SMYD3: variants seen among roughly 807,000 people sequenced by gnomAD.
SMYD3 encodes the protein histone-lysine N-methyltransferase SMYD3.
Under a neutral mutation model 57.7 loss-of-function variants are expected in SMYD3, and 36 were observed. The ratio of observed to expected loss-of-function variants is 0.62; its 90% CI spans 0.48 to 0.82. SMYD3 has a LOEUF of 0.82. SMYD3 is among the 40% of genes least tolerant of loss of function. The pLI, the probability that SMYD3 is intolerant of heterozygous loss-of-function variation, is 0.00. For missense variants in SMYD3, 515 were observed against 538.8 expected, an observed-to-expected ratio of 0.96 and a Z score of 0.44; for synonymous variants, 211 against 195.0, an observed-to-expected ratio of 1.08 and a Z score of -0.68.
chr1:246,503,045 T>A (rs10924755), intron 1 of SMYD3, among the ~76,000 whole-genome samples: 62,362 of 151,996 alleles, frequency 0.41, 14,403 homozygotes, highest in East Asian at 0.71. Context: ...AGATTCCACA[T>A]AAGGAGCAGA....
intron 8 of SMYD3, among the ~76,000 whole-genome samples, chr1:245,910,446 G>A (rs1342682889): frequency 2.6e-5 from 4 of 151,842 alleles, no homozygotes; most frequent in African/African-American, 7.3e-5. Flanking sequence ...AAGGCAATCC[G>A]GAAATTCATA....
intron 5 of SMYD3, among the ~76,000 whole-genome samples, chr1:246,067,295 A>G (rs1301505265): frequency 6.6e-6 from 1 of 152,154 alleles, no homozygotes; most frequent in Non-Finnish European, 1.5e-5. Context: ...GAATGGTTTT[A>G]TTTTGTTCTT....
At chr1:245,770,337 G>A (rs1299536928) in intron 10 of SMYD3, among the ~76,000 whole-genome samples, 4 of 152,148 alleles carry the variant, frequency 2.6e-5, no homozygotes, top group Non-Finnish European at 5.9e-5. Flanking sequence ...ACAGAAACTG[G>A]AATTCAGGGA....
intron 8 of SMYD3, among the ~76,000 whole-genome samples, chr1:245,876,403 A>G (rs759763179): frequency 6.6e-6 from 1 of 152,364 alleles, no homozygotes; most frequent in East Asian, 1.9e-4. Context: ...TCCAATGCAC[A>G]GTCTGGGCCA....
At chr1:245,898,935 G>T (rs922608375) in intron 8 of SMYD3, among the ~76,000 whole-genome samples, 25 of 152,184 alleles carry the variant, frequency 1.6e-4, no homozygotes, top group African/African-American at 6.0e-4. Context: ...CCCTCAGAAG[G>T]TAAGTTTTAT....
chr1:246,266,016 C>A (rs1463073875), intron 5 of SMYD3, among the ~76,000 whole-genome samples: 1 of 152,144 alleles, frequency 6.6e-6, no homozygotes, highest in African/African-American at 2.4e-5. Context: ...CAACTGAGTT[C>A]CTTCCTTAGA....
At chr1:245,812,018 A>G (rs2048497958) in intron 10 of SMYD3, among the ~76,000 whole-genome samples, 1 of 152,172 alleles carries the variant, frequency 6.6e-6, no homozygotes, top group Non-Finnish European at 1.5e-5. Flanking sequence ...TTGTTTCAAA[A>G]TTGATTTTCC....
At chr1:246,161,510 G>C (rs2062119584) in intron 5 of SMYD3, among the ~76,000 whole-genome samples, 1 of 152,080 alleles carries the variant, frequency 6.6e-6, no homozygotes, top group Non-Finnish European at 1.5e-5. Context: ...CTTTGATTTC[G>C]ATGGTCTCCT....
chr1:246,444,024 T>G (rs1039677547), intron 1 of SMYD3, among the ~76,000 whole-genome samples: 1 of 152,094 alleles, frequency 6.6e-6, no homozygotes, highest in Non-Finnish European at 1.5e-5. Context: ...AGAAATAAGG[T>G]ATGGAGTCCT....
chr1:246,131,490 C>T (rs1381768030), intron 5 of SMYD3, among the ~76,000 whole-genome samples: 1 of 152,192 alleles, frequency 6.6e-6, no homozygotes, highest in Non-Finnish European at 1.5e-5. Context: ...ACCATGCCTG[C>T]TCTACCATGA....
intron 8 of SMYD3, among the ~76,000 whole-genome samples, chr1:245,866,528 T>C (rs2051857093): frequency 6.6e-6 from 1 of 152,094 alleles, no homozygotes; most frequent in Non-Finnish European, 1.5e-5. Context: ...GGTCAGGAGT[T>C]TGAGACCAGC....
intron 5 of SMYD3, among the ~76,000 whole-genome samples, chr1:246,200,915 C>G (rs1427730281): frequency 6.6e-6 from 1 of 152,158 alleles, no homozygotes; most frequent in East Asian, 1.9e-4. Flanking sequence ...AGTTTCTTAT[C>G]AAAGCATCAT....
At chr1:246,138,013 T>G (rs7516264) in intron 5 of SMYD3, among the ~76,000 whole-genome samples, 77,628 of 152,096 alleles carry the variant, frequency 0.51, 23,366 homozygotes, top group Non-Finnish European at 0.69. Flanking sequence ...ACACATAATT[T>G]TTTTTCTTAT....
At chr1:246,393,976 T>C (rs2066614796) in intron 1 of SMYD3, among the ~76,000 whole-genome samples, 1 of 152,204 alleles carries the variant, frequency 6.6e-6, no homozygotes, top group African/African-American at 2.4e-5. Flanking sequence ...AAAGGATTTT[T>C]CCACATGAAT....
At chr1:245,785,836 C>T (rs963159191) in intron 10 of SMYD3, among the ~76,000 whole-genome samples, 1 of 152,112 alleles carries the variant, frequency 6.6e-6, no homozygotes, top group African/African-American at 2.4e-5. Flanking sequence ...GTAGCTAGGA[C>T]TACAGGTGTA....
At chr1:246,384,225 G>A (rs2066433178) in intron 1 of SMYD3, among the ~76,000 whole-genome samples, 1 of 152,066 alleles carries the variant, frequency 6.6e-6, no homozygotes, top group Non-Finnish European at 1.5e-5. Context: ...TAAATAATGT[G>A]TTTCTTCATC....
Position 246,149,553 on chromosome 1 carries a change from A to G in SMYD3, c.531+177648T>C, listed in dbSNP as rs544657785. On this transcript the variant is annotated intron_variant, in intron 5 of 11. Transcript: ENST00000490107. ...CCAACAAAGGGATTAAGTCTGCTCT[A>G]TGATGGAACTGCATTAAAAATAATG... 7.2e-5 allele frequency among the ~76,000 whole-genome samples: 11 copies of G among 152,338 alleles called. 1 individual carries two copies. Among genetic ancestry groups the G allele is most frequent in the African/African-American group, 2.6e-4 (11 of 41,568 alleles).
chr1:245,879,350 G>A (rs570896713), intron 8 of SMYD3, among the ~76,000 whole-genome samples: 7 of 152,330 alleles, frequency 4.6e-5, no homozygotes, highest in East Asian at 1.9e-4. Context: ...CAACTGGCTC[G>A]CAGTAACCGC....
At chr1:245,900,529 T>G (rs1319048652) in intron 8 of SMYD3, among the ~76,000 whole-genome samples, 2 of 152,148 alleles carry the variant, frequency 1.3e-5, no homozygotes, top group African/African-American at 4.8e-5. Flanking sequence ...ACAGAAGGAT[T>G]TCAGGTCCAT....
Sources: gnomAD v4.1 joint callset for allele counts (sites outside exome capture counted in the v4.1 genomes callset) on GRCh38, gnomAD v4.1.1 for gene constraint, MANE v1.5 for transcripts, NCBI Gene and HGNC (gene_info 2026-07-23, HGNC 2026-07-21) for gene names.